NRXN1: variants seen among roughly 807,000 people sequenced by gnomAD.
The protein encoded by NRXN1 is neurexin 1, also known as neurexin-1.
A neutral mutation model predicts 150.9 loss-of-function variants in NRXN1; 39 were observed. The ratio of observed to expected loss-of-function variants is 0.26; its 90% confidence interval spans 0.20 to 0.34. NRXN1 has a LOEUF of 0.34. Among genes scored for constraint, NRXN1 ranks in the 10% least tolerant of loss-of-function variants. The pLI is 1.00. For missense variants in NRXN1, 1,815 were observed against 1,949.9 expected (o/e 0.93, Z 1.30); for synonymous variants, 924 against 757.0 (o/e 1.22, Z -3.62).
intron 17 of NRXN1, among the ~76,000 whole-genome samples, chr2:50,372,742 T>G (rs2080119592): frequency 6.6e-6 from 1 of 152,164 alleles, no homozygotes; most frequent in Admixed American, 6.6e-5. Flanking sequence ...TAGCAACAAT[T>G]ATGCAAATAA....
At chr2:51,006,692 G>C (rs192014031) in intron 2 of NRXN1, among the ~76,000 whole-genome samples, 15 of 152,032 alleles carry the variant, frequency 9.9e-5, no homozygotes, top group Admixed American at 2.0e-4. Flanking sequence ...ACAAAGCTTA[G>C]TTTCCAGCCT....
At chr2:50,424,846 T>A (rs183400665) in intron 17 of NRXN1, among the ~76,000 whole-genome samples, 1 of 150,884 alleles carries the variant, frequency 6.6e-6, no homozygotes, top group East Asian at 1.9e-4. Flanking sequence ...TACTTACAGA[T>A]TAATACCAGT....
At chr2:50,096,736 T>G (rs1294946470) in intron 18 of NRXN1, among the ~76,000 whole-genome samples, 2 of 152,230 alleles carry the variant, frequency 1.3e-5, no homozygotes, top group Non-Finnish European at 2.9e-5. Flanking sequence ...TATTGATTTT[T>G]TTACAAAAGC....
intron 2 of NRXN1, among the ~76,000 whole-genome samples, chr2:50,992,370 T>C (rs1336921069): frequency 2.0e-5 from 3 of 152,004 alleles, no homozygotes. Context: ...AATGTAAATA[T>C]TCTACCCTCA....
rs1256233327 is a variant in NRXN1 at position 50,465,600 on chromosome 2, G to C, written c.3245-39C>G. On this transcript the variant is annotated intron_variant, in intron 16 of 22. Transcript: ENST00000401669. ...CAAAGGAAACTTGGGTTCTTTAAAA[G>C]AATCCAAAAGCATTTTATACATGAG... The C allele has an allele frequency of 3.9e-6, 6 of 1,554,856 alleles. 1 individual carries two copies. The highest frequency in any genetic ancestry group is 3.6e-5 in the South Asian group (3 of 83,614).
chr2:50,859,781 T>C (rs1185230663), intron 5 of NRXN1, among the ~76,000 whole-genome samples: 1 of 151,560 alleles, frequency 6.6e-6, no homozygotes, highest in African/African-American at 2.4e-5. Context: ...TATAAATATA[T>C]ACACACACGC....
chr2:50,007,147 A>G (rs1421580), intron 21 of NRXN1, among the ~76,000 whole-genome samples: 55,478 of 151,868 alleles, frequency 0.37, 10,598 homozygotes, highest in East Asian at 0.48. Context: ...GTTTCAGACC[A>G]GCCTGGATAA....
intron 8 of NRXN1, among the ~76,000 whole-genome samples, chr2:50,561,266 A>T (rs1669034382): frequency 6.6e-6 from 1 of 152,228 alleles, no homozygotes; most frequent in Non-Finnish European, 1.5e-5. Context: ...AGTGCATATG[A>T]GTATGTAGCA....
chr2:50,017,475 G>A (rs1162472573), intron 21 of NRXN1, among the ~76,000 whole-genome samples: 1 of 152,140 alleles, frequency 6.6e-6, no homozygotes, highest in African/African-American at 2.4e-5. Context: ...TCTGTGTTTG[G>A]AAGAAGTATG....
intron 18 of NRXN1, among the ~76,000 whole-genome samples, chr2:50,177,738 C>G (rs1230575728): frequency 6.7e-6 from 1 of 149,972 alleles, no homozygotes; most frequent in Non-Finnish European, 1.5e-5. Context: ...AATCAGAAAA[C>G]AAGTAGCATT....
At chr2:50,792,814 A>G (rs1412672380) in intron 5 of NRXN1, among the ~76,000 whole-genome samples, 1 of 152,092 alleles carries the variant, frequency 6.6e-6, no homozygotes. Flanking sequence ...GAACAACTCT[A>G]AAAAATAAAT....
chr2:50,523,821 G>A (rs996855127), intron 12 of NRXN1, among the ~76,000 whole-genome samples: 1 of 152,194 alleles, frequency 6.6e-6, no homozygotes, highest in Non-Finnish European at 1.5e-5. Flanking sequence ...GCACTGGACT[G>A]CAAATAGGAA....
At chr2:50,985,806 A>G (rs1340226232) in intron 2 of NRXN1, among the ~76,000 whole-genome samples, 1 of 151,748 alleles carries the variant, frequency 6.6e-6, no homozygotes, top group African/African-American at 2.4e-5. Context: ...AAATGAAAAC[A>G]AAACTTCAAA....
intron 21 of NRXN1, among the ~76,000 whole-genome samples, chr2:50,046,878 G>T (rs1253003876): frequency 6.6e-6 from 1 of 152,110 alleles, no homozygotes. Flanking sequence ...CATATTTATA[G>T]GCAATGCCTA....
intron 21 of NRXN1, among the ~76,000 whole-genome samples, chr2:50,036,723 T>C (rs1203242533): frequency 6.6e-6 from 1 of 152,184 alleles, no homozygotes; most frequent in Non-Finnish European, 1.5e-5. Context: ...GCAAAAGCAA[T>C]GTAACGTGAG....
chr2:50,521,293 T>C (rs1215970253), intron 12 of NRXN1, among the ~76,000 whole-genome samples: 6 of 152,222 alleles, frequency 3.9e-5, no homozygotes, highest in African/African-American at 9.6e-5. Flanking sequence ...ATTTCAATAG[T>C]ACTATGCATA....
In NRXN1 at chr2:49,947,250, G is replaced by C. The variant is rs149114596; in HGVS notation, c.4129-3459C>G. Among the ~76,000 whole-genome samples, 3 of 152,110 alleles carry C rather than the reference G, an allele frequency of 2.0e-5. No individual in the cohort carries two copies. In the East Asian group the frequency reaches 5.8e-4, roughly 29 times the overall value. ...TAAATATATTGATGAAATCAATATA[G>C]TGTTGTTCCTATTGGTGTTTTATTC... On this transcript the variant is annotated intron_variant, in intron 21 of 22. Transcript: ENST00000401669.
intron 17 of NRXN1, among the ~76,000 whole-genome samples, chr2:50,426,252 A>G (rs1244078494): frequency 2.0e-5 from 3 of 152,182 alleles, no homozygotes; most frequent in Non-Finnish European, 4.4e-5. Context: ...CGTGAATGCC[A>G]CCAATTGTGT....
At chr2:50,585,944 C>A (rs1488183709) in intron 8 of NRXN1, among the ~76,000 whole-genome samples, 2 of 152,214 alleles carry the variant, frequency 1.3e-5, no homozygotes, top group African/African-American at 4.8e-5. Context: ...TGGTAGGCAA[C>A]AACCATTTCA....
Sources: allele counts gnomAD v4.1 joint callset (sites outside exome capture counted in the v4.1 genomes callset), GRCh38; gene constraint gnomAD v4.1.1; transcripts MANE v1.5; gene names NCBI Gene and HGNC (gene_info 2026-07-23, HGNC 2026-07-21).